Variants in MED10 observed in about 807,000 individuals in gnomAD.
MED10 encodes the protein mediator complex subunit 10.
In MED10, 9 loss-of-function variants were observed where a neutral mutation model predicts 17.2. That is an observed-to-expected ratio of 0.52 (90% CI 0.31 to 0.91). The LOEUF is 0.91. MED10 is among the 40% of genes least tolerant of loss of function. The pLI is 0.04. For missense variants in MED10, 129 were observed against 164.8 expected, an observed-to-expected ratio of 0.78 and a Z score of 1.19; for synonymous variants, 66 against 59.8, an observed-to-expected ratio of 1.10 and a Z score of -0.48.
At position 6,377,210 on chromosome 5, in the gene MED10, G is replaced by A. The variant is rs1268665393; in HGVS notation, c.162C>T (p.Cys54=). The A allele has an allele frequency of 6.2e-7, 1 of 1,609,804 alleles. No homozygotes were observed. The highest frequency in any genetic ancestry group is 8.5e-7 in the Non-Finnish European group (1 of 1,178,006). Residue 54 remains cysteine (C), a synonymous_variant, in exon 2 of 4, where the codon TGC becomes TGT. Transcript: ENST00000255764. Reference sequence around the variant, plus strand: ...CAGTAATATCATGAAGCTGCTGTCTGCACTTGTCAATATCCTGTAAGCCAG... The same window carrying A: ...CAGTAATATCATGAAGCTGCTGTCTACACTTGTCAATATCCTGTAAGCCAG... ...IVTGLQDIDK[C]RQQLHDITVP... is the part of the protein sequence containing the mutation.
chr5:6,376,720 C>T (rs1366248038), intron 2 of MED10: 1 of 152,446 alleles, frequency 6.6e-6, no homozygotes, highest in Non-Finnish European at 1.5e-5. Flanking sequence ...ACTCCACGGG[C>T]AGTTTGGGAA....
intron 2 of MED10, chr5:6,374,750 C>T (rs1415411719): frequency 1.6e-5 from 4 of 247,306 alleles, no homozygotes; most frequent in South Asian, 5.7e-5. Context: ...CTATTTATTA[C>T]CTTTTTGATC....
Position 6,378,538 on chromosome 5 carries a change from G to C in MED10, c.-55C>G. 6.4e-7 allele frequency: 1 copy of C among 1,562,260 alleles called. No individual in the cohort carries two copies. The highest frequency in any genetic ancestry group is 8.7e-7 in the Non-Finnish European group (1 of 1,151,116). ...CTCAACCAGCAGCGCCGCAGGCGTG[G>C]CCCTACGCTCCCGCTTCCTGCTTCC... On this transcript the variant is annotated 5_prime_UTR_variant, in exon 1 of 4. Coordinates refer to ENST00000255764, the MANE Select transcript of MED10 (RefSeq NM_032286.3).
At chr5:6,374,228 A>G in intron 3 of MED10, 96 bp downstream of exon 3, 1 of 798,934 alleles carries the variant, frequency 1.3e-6, no homozygotes, top group East Asian at 2.5e-5. Flanking sequence ...GAAAGTCAAT[A>G]TTCTAGCAAG....
intron 2 of MED10, among the ~76,000 whole-genome samples, chr5:6,375,320 C>G (rs1579253856): frequency 6.6e-6 from 1 of 152,174 alleles, no homozygotes; most frequent in South Asian, 2.1e-4. Context: ...ACTAACTCTA[C>G]TTTCGAATTT....
In MED10 at chr5:6,378,495, G is replaced by A. The variant is rs570140999; in HGVS notation, c.-12C>T. The A allele has an allele frequency of 9.3e-6, 15 of 1,608,660 alleles. No homozygotes were observed. Among genetic ancestry groups the A allele is most frequent in the Admixed American group, 8.4e-5 (5 of 59,520 alleles). Reference sequence around the variant, plus strand: ...AACTTCTCCGCCATCGCCTCGGCCCGTCCCCGACCCACACAGCCTCAACCA... The same window carrying A: ...AACTTCTCCGCCATCGCCTCGGCCCATCCCCGACCCACACAGCCTCAACCA... On this transcript the variant is annotated 5_prime_UTR_variant, in exon 1 of 4. In the 5' UTR this introduces an upstream ATG that the reference lacks. Coordinates refer to ENST00000255764, the MANE Select transcript of MED10 (RefSeq NM_032286.3).
intron 1 of MED10, 49 bp from the exon 2 acceptor site, chr5:6,377,298 C>T: frequency 7.1e-7 from 1 of 1,411,172 alleles, no homozygotes; most frequent in Non-Finnish European, 9.9e-7. Context: ...CGCTTGACAG[C>T]ATAAGCACCA....
At chr5:6,376,910 C>T in intron 2 of MED10, 1 of 311,910 alleles carries the variant, frequency 3.2e-6, no homozygotes, top group Non-Finnish European at 5.8e-6. Context: ...CTTTTATTTA[C>T]ATGTAACTTT....
At position 6,378,504 on chromosome 5, in the gene MED10, C is replaced by T. The variant is rs1252215316; in HGVS notation, c.-21G>A. ...GCCATCGCCTCGGCCCGTCCCCGAC[C>T]CACACAGCCTCAACCAGCAGCGCCG... On this transcript the variant is annotated 5_prime_UTR_variant, in exon 1 of 4. Coordinates refer to ENST00000255764, the MANE Select transcript of MED10 (RefSeq NM_032286.3). 4 of 1,605,650 alleles carry T rather than the reference C, an allele frequency of 2.5e-6. No homozygotes were observed. Among genetic ancestry groups the T allele is most frequent in the Admixed American group, 1.7e-5 (1 of 59,338 alleles).
chr5:6,375,489 G>A (rs1167406383), intron 2 of MED10, among the ~76,000 whole-genome samples: 1 of 152,144 alleles, frequency 6.6e-6, no homozygotes, highest in Non-Finnish European at 1.5e-5. Context: ...AATGTAATGT[G>A]GCAAAATTAT....
Position 6,372,293 on chromosome 5 carries a change from G to A in MED10, c.*210C>T, listed in dbSNP as rs988604777. ...GTCAGCACTCTGAAAGCCAGTTGACGCCAGACAAGCTGCTGGAACAGCTGG... is the reference window on the plus strand; with the variant it reads ...GTCAGCACTCTGAAAGCCAGTTGACACCAGACAAGCTGCTGGAACAGCTGG... On this transcript the variant is annotated 3_prime_UTR_variant, in exon 4 of 4. Transcript: ENST00000255764. 13 of 550,832 alleles carry A rather than the reference G, an allele frequency of 2.4e-5. No individual in the cohort carries two copies. The highest frequency in any genetic ancestry group is 9.5e-5 in the African/African-American group (5 of 52,900). The allele number at this position is 550,832 out of a possible 1,614,324, so 34.1% of individuals were successfully genotyped here.
chr5:6,375,150 C>G (rs1737965607), intron 2 of MED10, among the ~76,000 whole-genome samples: 1 of 152,190 alleles, frequency 6.6e-6, no homozygotes, highest in South Asian at 2.1e-4. Context: ...CAGAAATTAT[C>G]TTCAGTATCC....
At chr5:6,378,214 C>T in intron 1 of MED10, 148 bp downstream of exon 1, 1 of 1,182,592 alleles carries the variant, frequency 8.5e-7, no homozygotes, top group Non-Finnish European at 1.1e-6. Context: ...CCAGGAAAGG[C>T]GCCCCGGGCT....
At chr5:6,374,508 A>C (rs1454750181) in intron 2 of MED10, 82 bp from the exon 3 acceptor site, 1 of 1,009,414 alleles carries the variant, frequency 9.9e-7, no homozygotes, top group Admixed American at 1.7e-5. Context: ...GGGGGAATAA[A>C]GGTTAGGTAT....
At chr5:6,375,147 T>A (rs1231043750) in intron 2 of MED10, among the ~76,000 whole-genome samples, 1 of 152,230 alleles carries the variant, frequency 6.6e-6, no homozygotes, top group Non-Finnish European at 1.5e-5. Context: ...CCCCAGAAAT[T>A]ATCTTCAGTA....
Position 6,378,457 on chromosome 5 carries a change from C to G in MED10, c.27G>C (p.Glu9Asp), listed in dbSNP as rs1334150486. The G allele has an allele frequency of 6.2e-7, 1 of 1,613,368 alleles. No homozygotes were observed. The highest frequency in any genetic ancestry group is 8.5e-7 in the Non-Finnish European group (1 of 1,179,644). Reference sequence around the variant, plus strand: ...TCTCCACGAACTTCTCCAGGTGCTCCTCTAGGTGGTCAAACTTCTCCGCCA... The same window carrying G: ...TCTCCACGAACTTCTCCAGGTGCTCGTCTAGGTGGTCAAACTTCTCCGCCA... MAEKFDHLEEHLEKFVENI... is the reference protein window; with the variant it reads MAEKFDHLDEHLEKFVENI... Residue 9 changes from glutamate to aspartate, a missense_variant, in exon 1 of 4, where the codon GAG becomes GAC. Transcript: ENST00000255764.
chr5:6,373,012 A>G (rs1424087719), intron 3 of MED10, among the ~76,000 whole-genome samples: 1 of 152,238 alleles, frequency 6.6e-6, no homozygotes, highest in Non-Finnish European at 1.5e-5. Flanking sequence ...TAAGGAGTGC[A>G]CTGGCTCTGA....
In MED10 at chr5:6,374,334, T is replaced by C. The variant is rs775527943; in HGVS notation, c.299A>G (p.Asp100Gly). The C allele has an allele frequency of 3.7e-6, 6 of 1,610,840 alleles. No individual in the cohort carries two copies. In the South Asian group the frequency reaches 6.6e-5, roughly 18 times the overall value. Residue 100 changes from aspartate to glycine, a missense_variant, in exon 3 of 4, where the codon GAC (aspartate) becomes GGC (glycine). Physicochemically the swap from Asp to Gly is moderately conservative, Grantham distance 94. Around this residue, in one of 3 missense-constraint regions of MED10, gnomAD observed 100 missense variants for 121.0 expected, o/e 0.83. Coordinates refer to ENST00000255764, the MANE Select transcript of MED10 (RefSeq NM_032286.3). ...AKNEQVKGKI[D>G]TMKKFKSLLI... ...TCCTTAGAGTCTTACCTTCATGGTGTCGATCTTGCCTTTAACTTGCTCATT... is the reference window on the plus strand; with the variant it reads ...TCCTTAGAGTCTTACCTTCATGGTGCCGATCTTGCCTTTAACTTGCTCATT...
At chr5:6,372,695 A>G in intron 3 of MED10, 94 bp from the exon 4 acceptor site, 1 of 963,210 alleles carries the variant, frequency 1.0e-6, no homozygotes, top group South Asian at 1.4e-5. Flanking sequence ...CACATGGCCC[A>G]CTAAGCAATA....
Sources: gnomAD v4.1 joint callset for allele counts (sites outside exome capture counted in the v4.1 genomes callset) on GRCh38, gnomAD v4.1.1 for gene constraint, gnomAD v4.1.1 regional missense constraint, MANE v1.5 for transcripts, NCBI Gene and HGNC (gene_info 2026-07-23, HGNC 2026-07-21) for gene names.